The following NUB1 variants were observed in gnomAD, a reference collection of about 807,000 sequenced individuals.
NUB1 encodes negative regulator of ubiquitin like proteins 1, also known as NEDD8 ultimate buster 1.
Under a neutral mutation model 77.1 loss-of-function variants are expected in NUB1, and 41 were observed. The observed-to-expected ratio is 0.53, with a 90% CI of 0.41 to 0.69. The LOEUF (loss-of-function observed/expected upper bound fraction) is 0.69, where lower values mean the gene tolerates loss of function less well. NUB1 is among the 30% of genes least tolerant of loss of function. The pLI is 0.00. For synonymous variants in NUB1, 257 were observed against 281.0 expected (o/e 0.91, Z 0.85); for missense variants, 643 against 743.8 (o/e 0.86, Z 1.58).
chr7:151,371,293 C>T (rs772810327), intron 11 of NUB1, among the ~76,000 whole-genome samples: 1 of 152,114 alleles, frequency 6.6e-6, no homozygotes, highest in Non-Finnish European at 1.5e-5. Context: ...TAGGATAGGT[C>T]TCAGGGTTAG....
Position 151,372,926 on chromosome 7 carries a change from G to A in NUB1, c.1249-1171G>A, listed in dbSNP as rs77529903. ...CAGGGCCACACCAGGAGGTTCTCCT[G>A]TGATAGAGACAGGCCATGAGTCTAC... On this transcript the variant is annotated intron_variant, in intron 11 of 14. Coordinates refer to ENST00000568733, the MANE Select transcript of NUB1 (RefSeq NM_001243351.2). Among the ~76,000 whole-genome samples the A allele has an allele frequency of 2.5e-3, 381 of 152,316 alleles. 1 individual carries two copies. Among genetic ancestry groups the A allele is most frequent in the African/African-American group, 8.7e-3 (363 of 41,552 alleles).
At chr7:151,374,485 C>A in intron 12 of NUB1, 2 of 597,508 alleles carry the variant, frequency 3.3e-6, no homozygotes, top group East Asian at 5.6e-5. Flanking sequence ...TCCACACCAG[C>A]ACAGTCCACA....
At chr7:151,357,369 C>G (rs1797126129) in intron 7 of NUB1, among the ~76,000 whole-genome samples, 1 of 151,978 alleles carries the variant, frequency 6.6e-6, no homozygotes, top group Admixed American at 6.6e-5. Context: ...GATGATCCGC[C>G]CGCCTCGGCC....
chr7:151,367,883 T>C lies in NUB1; in HGVS notation c.1010T>C (p.Val337Ala), dbSNP rs1797768778. Reference protein sequence around the residue: ...HIKGNCGKEKVLFLRLYLLQG... With the variant: ...HIKGNCGKEKALFLRLYLLQG... ...TAGGGAAATTGTGGGAAAGAGAAGG[T>C]ACTGTTTCTAAGACTCTACTTACTT... Residue 337 changes from valine (V) to alanine (A), a missense_variant, in exon 10 of 15, where the codon GTA becomes GCA. Val to Ala is a moderately conservative substitution (Grantham distance 64). Transcript: ENST00000568733. 2 of 1,598,384 alleles carry C rather than the reference T, an allele frequency of 1.3e-6. No homozygotes were observed. The highest frequency in any genetic ancestry group is 1.7e-6 in the Non-Finnish European group (2 of 1,171,148).
intron 11 of NUB1, among the ~76,000 whole-genome samples, chr7:151,373,208 G>A (rs1008502835): frequency 6.6e-6 from 1 of 152,128 alleles, no homozygotes; most frequent in Non-Finnish European, 1.5e-5. Flanking sequence ...TGGTCTCCCT[G>A]GGAGAATGTA....
intron 5 of NUB1, among the ~76,000 whole-genome samples, chr7:151,353,101 T>C (rs538840081): frequency 1.3e-5 from 2 of 152,352 alleles, no homozygotes; most frequent in South Asian, 2.1e-4. Context: ...AAGACACTCA[T>C]TACAGCTTAG....
At chr7:151,350,276 CTGACTAA>C (rs1269763270) in intron 3 of NUB1, among the ~76,000 whole-genome samples, 1 of 152,272 alleles carries the variant, frequency 6.6e-6, no homozygotes, top group African/African-American at 2.4e-5. Context: ...GTGGGCGGGC[CTGACTAA>C]TGTCAGGCCT....
chr7:151,351,071 T>C, intron 3 of NUB1: 1 of 267,220 alleles, frequency 3.7e-6, no homozygotes, highest in Non-Finnish European at 7.2e-6. Flanking sequence ...GAAAATGGAT[T>C]AGTGGTTGCC....
chr7:151,374,391 C>G, intron 12 of NUB1, 148 bp downstream of exon 12: 2 of 1,074,294 alleles, frequency 1.9e-6, no homozygotes, highest in Non-Finnish European at 2.8e-6. Flanking sequence ...TCCTGGGCTC[C>G]AGCCCAGACA....
Position 151,345,371 on chromosome 7 carries a change from C to T in NUB1, c.22C>T (p.Gln8Ter), listed in dbSNP as rs747963811. Residue 8 changes from glutamine to a stop codon, truncating the protein, a stop_gained, in exon 2 of 15, where the codon CAA becomes TAA. Coordinates refer to ENST00000568733, the MANE Select transcript of NUB1 (RefSeq NM_001243351.2). LOFTEE classifies it high-confidence loss of function. ...AGGGATGGCACAAAAGAAATATCTT[C>T]AAGCAAAATTGACCCAGTTTTTAAG... Reference protein sequence around the residue: MAQKKYLQAKLTQFLRED... With the variant: MAQKKYL 6.2e-7 allele frequency: 1 copy of T among 1,611,296 alleles called. No individual in the cohort carries two copies. Among genetic ancestry groups the T allele is most frequent in the Non-Finnish European group, 8.5e-7 (1 of 1,178,212 alleles).
rs552936424 is a variant in NUB1, at chr7:151,367,831, T to C, written c.988-30T>C. The C allele has an allele frequency of 1.6e-5, 23 of 1,414,066 alleles. No individual in the cohort carries two copies. The East Asian group carries it at 3.6e-4, about 22-fold the overall frequency. 87.6% of individuals were successfully genotyped at this position (1,414,066 alleles called of 1,614,324 possible). ...AGACCTGTAATTAGAAATAAGGCAA[T>C]TTTATCCTTTTTTTCTTCAATAATT... On this transcript the variant is annotated intron_variant, in intron 9 of 14. Coordinates refer to ENST00000568733, the MANE Select transcript of NUB1 (RefSeq NM_001243351.2).
chr7:151,376,724 C>T lies in NUB1; in HGVS notation c.1582C>T (p.His528Tyr). The T allele has an allele frequency of 2.5e-6, 4 of 1,606,590 alleles. No individual in the cohort carries two copies. Among genetic ancestry groups the T allele is most frequent in the Non-Finnish European group, 3.4e-6 (4 of 1,177,074 alleles). Residue 528 changes from histidine (H) to tyrosine (Y), a missense_variant, in exon 14 of 15, where the codon CAC (histidine) becomes TAC (tyrosine). Coordinates refer to ENST00000568733, the MANE Select transcript of NUB1 (RefSeq NM_001243351.2). Reference sequence around the variant, plus strand: ...CCAGCTGGCCGCCCAGACCCTTGCTCACAACGGAGGAAGCCTGCCTCCCGA... The same window carrying T: ...CCAGCTGGCCGCCCAGACCCTTGCTTACAACGGAGGAAGCCTGCCTCCCGA... ...NVQLAAQTLA[H>Y]NGGSLPPELP...
Position 151,351,314 on chromosome 7 carries a change from A to C in NUB1, c.286-110A>C, listed in dbSNP as rs1484767968. On this transcript the variant is annotated intron_variant, in intron 3 of 14. Coordinates refer to ENST00000568733, the MANE Select transcript of NUB1 (RefSeq NM_001243351.2). ...TAGGCAGGCAGCATTTTAGTTTTTA[A>C]CAGTGAACTCAGTTTATATCCTCTG... The C allele has an allele frequency of 1.2e-5, 10 of 826,566 alleles. No homozygotes were observed. In the Admixed American group the frequency reaches 1.8e-4, roughly 15 times the overall value. The allele number at this position is 826,566 out of a possible 1,614,324, so 51.2% of individuals were successfully genotyped here. A position where few individuals can be genotyped will look rare whatever the true frequency, so the allele number is the denominator to read the frequency against.
Position 151,350,898 on chromosome 7 carries a change from G to C in NUB1, c.286-526G>C, listed in dbSNP as rs558720028. On this transcript the variant is annotated intron_variant, in intron 3 of 14. Transcript: ENST00000568733. ...ATAGATAAATGTGGTCTATTCATACGATGGAAAACTGTTCACAATGCAAAG... is the reference window on the plus strand; with the variant it reads ...ATAGATAAATGTGGTCTATTCATACCATGGAAAACTGTTCACAATGCAAAG... 9.8e-4 allele frequency among the ~76,000 whole-genome samples: 150 copies of C among 152,302 alleles called. No homozygotes were observed. The East Asian group carries it at 0.026, about 26-fold the overall frequency.
rs1387517887 is a variant in NUB1 at position 151,352,219 on chromosome 7, G to A, written c.345-593G>A. 4 of 455,294 alleles carry A rather than the reference G, an allele frequency of 8.8e-6. No individual in the cohort carries two copies. In the East Asian group the frequency reaches 2.8e-4, roughly 32 times the overall value. 28.2% of individuals were successfully genotyped at this position (455,294 alleles called of 1,614,324 possible). A position where few individuals can be genotyped will look rare whatever the true frequency, so the allele number is the denominator to read the frequency against. Reference sequence around the variant, plus strand: ...GTATAGGTAGATTTTCTCCGGATGTGCAACTAGGGCTTCCTGTTCACATGG... The same window carrying A: ...GTATAGGTAGATTTTCTCCGGATGTACAACTAGGGCTTCCTGTTCACATGG... On this transcript the variant is annotated intron_variant, in intron 4 of 14. Transcript: ENST00000568733.
At chr7:151,347,358 C>T (rs1796547858) in intron 2 of NUB1, among the ~76,000 whole-genome samples, 2 of 151,828 alleles carry the variant, frequency 1.3e-5, no homozygotes, top group African/African-American at 4.8e-5. Flanking sequence ...GCTATGGTCC[C>T]ACCTGTGAAT....
Position 151,350,897 on chromosome 7 carries a change from C to CCA in NUB1, c.286-527_286-526insCA, listed in dbSNP as rs375419224. On this transcript the variant is annotated intron_variant, in intron 3 of 14. Coordinates refer to ENST00000568733, the MANE Select transcript of NUB1 (RefSeq NM_001243351.2). ...GATAGATAAATGTGGTCTATTCATA[C>CCA]GATGGAAAACTGTTCACAATGCAAA... Among the ~76,000 whole-genome samples, 150 of 152,266 alleles carry CCA rather than the reference C, an allele frequency of 9.9e-4. No homozygotes were observed. In the East Asian group the frequency reaches 0.026, roughly 26 times the overall value.
chr7:151,375,665 C>T (rs1798182977), intron 12 of NUB1, among the ~76,000 whole-genome samples, 183 bp from the exon 13 acceptor site: 1 of 152,224 alleles, frequency 6.6e-6, no homozygotes. Context: ...TCCTTCAAAC[C>T]CCAGCTGTCC....
At chr7:151,352,927 A>G in intron 5 of NUB1, 45 bp downstream of exon 5, 1 of 1,015,890 alleles carries the variant, frequency 9.8e-7, no homozygotes. Context: ...AACCAAATAT[A>G]GAAATAATGA....
Sources: gnomAD v4.1 joint callset for allele counts (sites outside exome capture counted in the v4.1 genomes callset) on GRCh38, gnomAD v4.1.1 for gene constraint, MANE v1.5 for transcripts, NCBI Gene and HGNC (gene_info 2026-07-23, HGNC 2026-07-21) for gene names.